The following WDCP variants were observed in gnomAD, a reference collection of about 807,000 sequenced individuals.
The protein encoded by WDCP is WD repeat and coiled coil containing, also known as WD repeat and coiled-coil-containing protein.
Under a neutral mutation model 41.6 loss-of-function variants are expected in WDCP, and 19 were observed. The ratio of observed to expected loss-of-function variants is 0.46; its 90% CI spans 0.32 to 0.67. The LOEUF is 0.67. Among genes scored for constraint, WDCP ranks in the 30% least tolerant of loss-of-function variants. The pLI is 0.04. For missense variants in WDCP, 802 were observed against 850.7 expected, an observed-to-expected ratio of 0.94 and a Z score of 0.71; for synonymous variants, 302 against 320.8, an observed-to-expected ratio of 0.94 and a Z score of 0.63.
Position 24,037,854 on chromosome 2 carries a change from GTTCT to G in WDCP, c.1637_1640del (p.Lys546ThrfsTer65). 1.9e-6 allele frequency: 3 copies of G among 1,614,164 alleles called. No individual in the cohort carries two copies. The highest frequency in any genetic ancestry group is 2.5e-6 in the Non-Finnish European group (3 of 1,180,038). On this transcript the variant is annotated frameshift_variant, in exon 2 of 4. Transcript: ENST00000295148. LOFTEE classifies it high-confidence loss of function. Reference sequence around the variant, plus strand: ...GATAAGTTTCCTTTTCACTTTGTAAGTTCTTTCTTTGAGGCAAACGAGGAGGCTC... The same window carrying G: ...GATAAGTTTCCTTTTCACTTTGTAAGTTCTTTGAGGCAAACGAGGAGGCTC...
rs1663329632 is a variant in WDCP at position 24,038,620 on chromosome 2, T to C, written c.875A>G (p.Gln292Arg). 1 of 1,614,038 alleles carries C rather than the reference T, an allele frequency of 6.2e-7. No homozygotes were observed. ...AAGAGAATTACCCTCAGACTTATGT[T>C]GATTGAAATGTATGTGAGTTAGATC... ...PLDLTHIHFN[Q>R]HKSEGNSLIC... The change falls in exon 2 of 4, where the codon CAA becomes CGA. Residue 292 changes from glutamine to arginine, a missense_variant. Physicochemically the swap from Gln to Arg is conservative, Grantham distance 43 (BLOSUM62 1). Around this residue, in one of 5 missense-constraint regions of WDCP, gnomAD observed 247 missense variants for 240.5 expected, o/e 1.03. Transcript: ENST00000295148.
chr2:24,031,207 C>A (rs752066854), intron 3 of WDCP, 45 bp from the exon 4 acceptor site: 2 of 1,432,694 alleles, frequency 1.4e-6, no homozygotes, highest in Non-Finnish European at 9.7e-7. Context: ...ATATATTATT[C>A]TTATGATGAA....
Position 24,037,801 on chromosome 2 carries a change from G to C in WDCP, c.1694C>G (p.Ser565Cys). 1 of 1,614,238 alleles carries C rather than the reference G, an allele frequency of 6.2e-7. No individual in the cohort carries two copies. Among genetic ancestry groups the C allele is most frequent in the Non-Finnish European group, 8.5e-7 (1 of 1,180,044 alleles). ...CCGTTGCATTTCAACCAGGTTCCTA[G>C]ATAAAATTTCCACTTCCTTAGACAG... ...YQLSKEVEILSRNLVEMQRCL... is the reference protein window; with the variant it reads ...YQLSKEVEILCRNLVEMQRCL... The change falls in exon 2 of 4, where the codon TCT (serine) becomes TGT (cysteine). Residue 565 changes from serine (S) to cysteine (C), a missense_variant. Physicochemically the swap from Ser to Cys is moderately radical, Grantham distance 112 (BLOSUM62 -1). This residue lies in a region of WDCP where 321 missense variants were observed against 305.1 expected (regional missense o/e 1.05). Coordinates refer to ENST00000295148, the MANE Select transcript of WDCP (RefSeq NM_025203.3).
At chr2:24,040,779 G>A (rs575446167) in intron 1 of WDCP, among the ~76,000 whole-genome samples, 1 of 152,350 alleles carries the variant, frequency 6.6e-6, no homozygotes, top group South Asian at 2.1e-4. Context: ...TACTTTGGGA[G>A]GCTGAGACGG....
chr2:24,044,340 G>A (rs1663546825), intron 1 of WDCP, among the ~76,000 whole-genome samples: 1 of 152,064 alleles, frequency 6.6e-6, no homozygotes, highest in African/African-American at 2.4e-5. Context: ...CATGATCTGG[G>A]CTCACTGCAA....
intron 2 of WDCP, among the ~76,000 whole-genome samples, chr2:24,035,707 G>A (rs1663223686): frequency 6.6e-6 from 1 of 151,742 alleles, no homozygotes; most frequent in African/African-American, 2.4e-5. Context: ...TTGAGCCCAG[G>A]ACTTCCAAAC....
intron 2 of WDCP, among the ~76,000 whole-genome samples, chr2:24,036,612 T>G (rs1489487133): frequency 6.6e-6 from 1 of 152,208 alleles, no homozygotes; most frequent in Non-Finnish European, 1.5e-5. Context: ...AAGGTACTAA[T>G]ATGAATGGAT....
At chr2:24,042,181 C>T (rs1285730410) in intron 1 of WDCP, among the ~76,000 whole-genome samples, 1 of 152,010 alleles carries the variant, frequency 6.6e-6, no homozygotes, top group Non-Finnish European at 1.5e-5. Context: ...AAGGGCAGAT[C>T]ACGTGAGGTC....
intron 1 of WDCP, among the ~76,000 whole-genome samples, chr2:24,046,812 TG>T (rs1204949680): frequency 6.6e-6 from 1 of 152,238 alleles, no homozygotes; most frequent in East Asian, 1.9e-4. Context: ...ATGCATAGTT[TG>T]GCTGTCAAAC....
intron 2 of WDCP, 137 bp downstream of exon 2, chr2:24,037,540 A>G: frequency 1.0e-6 from 1 of 981,278 alleles, no homozygotes; most frequent in Non-Finnish European, 1.5e-6. Context: ...AGGTGTACCA[A>G]CTTGCCTGTA....
chr2:24,032,311 T>TG (rs1445433789), intron 3 of WDCP, among the ~76,000 whole-genome samples: 2 of 152,200 alleles, frequency 1.3e-5, no homozygotes, highest in African/African-American at 4.8e-5. Context: ...GAGCTCAGCC[T>TG]GGGCAACACA....
rs751048572 is a variant in WDCP at position 24,038,535 on chromosome 2, G to A, written c.960C>T (p.Val320=). The change falls in exon 2 of 4, where the codon GTC becomes GTT. Residue 320 remains valine, a synonymous_variant. Coordinates refer to ENST00000295148, the MANE Select transcript of WDCP (RefSeq NM_025203.3). ...TGTGQDSSHL[V]LVTFKKAVTM... ...TAACTGCCTTCTTAAAGGTCACAAG[G>A]ACCAAATGTGAAGAATCTTGGCCAG... 6.2e-7 allele frequency: 1 copy of A among 1,614,218 alleles called. No individual in the cohort carries two copies.
At chr2:24,046,459 G>C (rs886231713) in intron 1 of WDCP, among the ~76,000 whole-genome samples, 1 of 152,110 alleles carries the variant, frequency 6.6e-6, no homozygotes, top group African/African-American at 2.4e-5. Flanking sequence ...GTTTTAGGAG[G>C]GAAAAGACCA....
In WDCP at chr2:24,031,108, A is replaced by C; in HGVS notation, c.1991T>G (p.Phe664Cys). ...ADSEGFIPLT[F>C]TATQEIIIRD... The stretch of plus-strand genomic sequence containing the variant: ...TATGATTATTTCCTGTGTGGCTGTG[A>C]AGGTTAACGGGATAAAGCCCTCACT... The change falls in exon 4 of 4, where the codon TTC (phenylalanine) becomes TGC (cysteine). Residue 664 changes from phenylalanine to cysteine, a missense_variant. Phe to Cys is a radical substitution (Grantham distance 205). Around this residue, in one of 5 missense-constraint regions of WDCP, gnomAD observed 321 missense variants for 305.1 expected, o/e 1.05. Coordinates refer to ENST00000295148, the MANE Select transcript of WDCP (RefSeq NM_025203.3). The C allele has an allele frequency of 6.2e-7, 1 of 1,614,212 alleles. No homozygotes were observed. The highest frequency in any genetic ancestry group is 8.5e-7 in the Non-Finnish European group (1 of 1,180,040).
chr2:24,030,400 G>C lies in WDCP; in HGVS notation c.*533C>G, dbSNP rs1341596672. ...TCTGGGAGGTCCAGGCAACATCAGA[G>C]CCACTTCCTGTTCCTGAGAGCAGAA... On this transcript the variant is annotated 3_prime_UTR_variant, in exon 4 of 4. Transcript: ENST00000295148. The C allele has an allele frequency of 6.6e-6, 1 of 152,304 alleles. No homozygotes were observed. The highest frequency in any genetic ancestry group is 2.4e-5 in the African/African-American group (1 of 41,450). 9.4% of individuals were successfully genotyped at this position (152,304 alleles called of 1,614,324 possible). A position where few individuals can be genotyped will look rare whatever the true frequency, so the allele number is the denominator to read the frequency against.
chr2:24,042,763 C>T (rs896833267), intron 1 of WDCP, among the ~76,000 whole-genome samples: 4 of 150,274 alleles, frequency 2.7e-5, no homozygotes, highest in South Asian at 2.1e-4. Flanking sequence ...CCAGGCGCGG[C>T]GGCTCACGCC....
Position 24,038,599 on chromosome 2 carries a change from G to C in WDCP, c.896C>G (p.Ser299Cys). The C allele has an allele frequency of 6.2e-7, 1 of 1,614,016 alleles. No homozygotes were observed. Among genetic ancestry groups the C allele is most frequent in the Non-Finnish European group, 8.5e-7 (1 of 1,179,930 alleles). ...GTCCTTTTTTCTTAGACAAATAAGA[G>C]AATTACCCTCAGACTTATGTTGATT... Reference protein sequence around the residue: ...HFNQHKSEGNSLICLRKKDYL... With the variant: ...HFNQHKSEGNCLICLRKKDYL... The change falls in exon 2 of 4, where the codon TCT becomes TGT. Residue 299 changes from serine (S) to cysteine (C), a missense_variant. Coordinates refer to ENST00000295148, the MANE Select transcript of WDCP (RefSeq NM_025203.3).
At chr2:24,032,699 AGATT>A (rs1378203205) in intron 3 of WDCP, 126 bp downstream of exon 3, 1 of 671,586 alleles carries the variant, frequency 1.5e-6, no homozygotes. Flanking sequence ...TAATAATAAT[AGATT>A]ACTTGTTAAC....
At position 24,038,623 on chromosome 2, in the gene WDCP, T is replaced by C. The variant is rs964856367; in HGVS notation, c.872A>G (p.Asn291Ser). The change falls in exon 2 of 4, where the codon AAT becomes AGT. Residue 291 changes from asparagine (N) to serine (S), a missense_variant. By Grantham distance (46) the Asn-to-Ser change is conservative (BLOSUM62 1). This residue lies in a region of WDCP where 247 missense variants were observed against 240.5 expected (regional missense o/e 1.03). Coordinates refer to ENST00000295148, the MANE Select transcript of WDCP (RefSeq NM_025203.3). ...AGAATTACCCTCAGACTTATGTTGA[T>C]TGAAATGTATGTGAGTTAGATCCAG... ...EPLDLTHIHF[N>S]QHKSEGNSLI... is the part of the protein sequence containing the mutation. 3.7e-6 allele frequency: 6 copies of C among 1,614,182 alleles called. No individual in the cohort carries two copies. Among genetic ancestry groups the C allele is most frequent in the Admixed American group, 1.7e-5 (1 of 60,022 alleles).
Sources: allele counts gnomAD v4.1 joint callset (sites outside exome capture counted in the v4.1 genomes callset), GRCh38; gene constraint gnomAD v4.1.1; regional missense constraint gnomAD v4.1.1; transcripts MANE v1.5; gene names NCBI Gene and HGNC (gene_info 2026-07-23, HGNC 2026-07-21).